SIRT2: variants seen among roughly 807,000 people sequenced by gnomAD.
SIRT2 encodes the protein sirtuin 2, also known as NAD-dependent protein deacetylase sirtuin-2.
In SIRT2, 40 loss-of-function variants were observed where a neutral mutation model predicts 57.4. The ratio of observed to expected loss-of-function variants is 0.70; its 90% CI spans 0.54 to 0.91. SIRT2 has a LOEUF of 0.91. Among genes scored for constraint, SIRT2 ranks in the 40% least tolerant of loss-of-function variants. SIRT2 has a pLI of 0.00. For missense variants in SIRT2, 439 were observed against 510.4 expected, an observed-to-expected ratio of 0.86 and a Z score of 1.35; for synonymous variants, 161 against 195.7, an observed-to-expected ratio of 0.82 and a Z score of 1.48.
At chr19:38,895,336 C>T (rs928400280) in intron 2 of SIRT2, among the ~76,000 whole-genome samples, 14 of 152,210 alleles carry the variant, frequency 9.2e-5, no homozygotes, top group African/African-American at 1.2e-4. Context: ...CTTCTGCAGT[C>T]TTCCCAGACA....
chr19:38,893,171 C>T (rs565971293), intron 4 of SIRT2, among the ~76,000 whole-genome samples: 20 of 151,892 alleles, frequency 1.3e-4, no homozygotes, highest in Non-Finnish European at 2.8e-4. Flanking sequence ...ACCTTTACCC[C>T]AAAACAAGAA....
chr19:38,882,473 A>G (rs1339807163), intron 9 of SIRT2, among the ~76,000 whole-genome samples: 2 of 151,986 alleles, frequency 1.3e-5, no homozygotes, highest in African/African-American at 4.8e-5. Flanking sequence ...CGTCTCTACT[A>G]AAAATATAAA....
At chr19:38,892,770 G>A (rs992752399) in intron 4 of SIRT2, among the ~76,000 whole-genome samples, 3 of 151,902 alleles carry the variant, frequency 2.0e-5, no homozygotes, top group Middle Eastern at 3.2e-3. Context: ...TGGCGGGGGG[G>A]TCTCACTATG....
At chr19:38,892,436 C>G (rs536121611) in intron 4 of SIRT2, among the ~76,000 whole-genome samples, 1 of 151,994 alleles carries the variant, frequency 6.6e-6, no homozygotes, top group Admixed American at 6.5e-5. Flanking sequence ...TTCATGCTGA[C>G]TCAGTAAGTG....
At chr19:38,891,951 A>C (rs1382228440) in intron 4 of SIRT2, 1 of 469,132 alleles carries the variant, frequency 2.1e-6, no homozygotes, top group African/African-American at 2.0e-5. Flanking sequence ...CTGCCTGAGG[A>C]GGGAGACAGT....
intron 8 of SIRT2, among the ~76,000 whole-genome samples, chr19:38,885,922 A>G (rs1973322905): frequency 6.6e-6 from 1 of 152,018 alleles, no homozygotes. Context: ...GACTTTCCAT[A>G]TTAAACAGGT....
Position 38,880,408 on chromosome 19 carries a change from T to C in SIRT2, c.876+277A>G. On this transcript the variant is annotated intron_variant, in intron 13 of 15. Coordinates refer to ENST00000249396, the MANE Select transcript of SIRT2 (RefSeq NM_012237.4). This position sits in a 1 kb window ranked among gnomAD's most constrained non-coding sequence, Gnocchi z 4.1. ...ACCCAACCCCGCCCCCCGCACTGTC[T>C]CTCCTGACCCCTGCACCCCCTCCCA... The C allele has an allele frequency of 1.1e-5, 4 of 349,860 alleles. No individual in the cohort carries two copies. The highest frequency in any genetic ancestry group is 4.6e-5 in the Admixed American group (1 of 21,730). The allele number at this position is 349,860 out of a possible 1,614,324, so 21.7% of individuals were successfully genotyped here. A position where few individuals can be genotyped will look rare whatever the true frequency, so the allele number is the denominator to read the frequency against.
intron 3 of SIRT2, 99 bp from the exon 4 acceptor site, chr19:38,893,626 C>T (rs751276917): frequency 1.7e-6 from 2 of 1,193,284 alleles, no homozygotes. Context: ...CCCGGCCTCC[C>T]CACATCTAAA....
rs533649015 is a variant in SIRT2, at chr19:38,880,425, C to G, written c.876+260G>C. On this transcript the variant is annotated intron_variant, in intron 13 of 15. Transcript: ENST00000249396. The surrounding 1 kb of genome is among the most constrained non-coding windows in gnomAD (Gnocchi z 4.1). ...GCACTGTCTCTCCTGACCCCTGCAC[C>G]CCCTCCCACCTCCTCAGTCCCTGGA... The G allele has an allele frequency of 2.3e-6, 1 of 430,222 alleles. No homozygotes were observed. Among genetic ancestry groups the G allele is most frequent in the African/African-American group, 2.0e-5 (1 of 49,336 alleles). The allele number at this position is 430,222 out of a possible 1,614,324, so 26.7% of individuals were successfully genotyped here. A position where few individuals can be genotyped will look rare whatever the true frequency, so the allele number is the denominator to read the frequency against.
intron 4 of SIRT2, chr19:38,891,769 C>A (rs1973545562): frequency 2.3e-6 from 1 of 429,590 alleles, no homozygotes; most frequent in African/African-American, 2.1e-5. Flanking sequence ...CTATCTCCTC[C>A]TGGGCACCCT....
chr19:38,878,993 G>GGTT lies in SIRT2; in HGVS notation c.*161_*162insAAC. 1.5e-6 allele frequency: 1 copy of GGTT among 665,876 alleles called. No individual in the cohort carries two copies. The highest frequency in any genetic ancestry group is 2.3e-5 in the South Asian group (1 of 43,892). 41.2% of individuals were successfully genotyped at this position (665,876 alleles called of 1,614,324 possible). On this transcript the variant is annotated 3_prime_UTR_variant, in exon 16 of 16. Coordinates refer to ENST00000249396, the MANE Select transcript of SIRT2 (RefSeq NM_012237.4). ...GGTGTTAGAGATTTGCTGGGGTTGG[G>GGTT]GGCCAGGGTTGCTGGGACCCCAGTT...
rs772799607 is a variant in SIRT2 at position 38,879,471 on chromosome 19, T to C, written c.977A>G (p.Gln326Arg). The C allele has an allele frequency of 6.2e-7, 1 of 1,604,430 alleles. No individual in the cohort carries two copies. The highest frequency in any genetic ancestry group is 8.5e-7 in the Non-Finnish European group (1 of 1,175,518). The change falls in exon 15 of 16, where the codon CAG becomes CGG. Residue 326 changes from glutamine (Q) to arginine (R), a missense_variant. Transcript: ENST00000249396. ...GAGCTCAGCAAGGGCCAGGCAGCCC[T>C]GGTCGCATTCACCCAGCCAGGCCAC... Reference protein sequence around the residue: ...RDVAWLGECDQGCLALAELLG... With the variant: ...RDVAWLGECDRGCLALAELLG...
At chr19:38,899,461 A>G (rs199984937) in intron 1 of SIRT2, 45 bp downstream of exon 1, 12 of 1,610,072 alleles carry the variant, frequency 7.5e-6, no homozygotes, top group Non-Finnish European at 9.3e-6. Context: ...GCATTCAGCC[A>G]GGCCCCGGCG....
In SIRT2 at chr19:38,880,766, G is replaced by T. The variant is rs986375576; in HGVS notation, c.825-30C>A. 1.2e-6 allele frequency: 2 copies of T among 1,610,002 alleles called. No homozygotes were observed. The highest frequency in any genetic ancestry group is 1.7e-6 in the Non-Finnish European group (2 of 1,176,720). ...GGGGAGGGGGAGCTAAGGGGTCAGG[G>T]TCTGTCCTGGCCCTGGGTGCCCAGC... On this transcript the variant is annotated intron_variant, in intron 12 of 15. Transcript: ENST00000249396. This position sits in a 1 kb window ranked among gnomAD's most constrained non-coding sequence, Gnocchi z 4.1.
At chr19:38,894,062 C>T (rs1481643823) in intron 2 of SIRT2, 195 bp from the exon 3 acceptor site, 14 of 1,175,994 alleles carry the variant, frequency 1.2e-5, no homozygotes, top group Admixed American at 2.9e-5. Context: ...TGGCCATGCC[C>T]GTCCCCAGGA....
At chr19:38,889,823 TC>T (rs763097606) in intron 6 of SIRT2, 31 bp downstream of exon 6, 2 of 1,612,576 alleles carry the variant, frequency 1.2e-6, no homozygotes, top group Non-Finnish European at 1.7e-6. Flanking sequence ...TCCCCACCCC[TC>T]ACAGACGCCC....
rs1211913798 is a variant in SIRT2, at chr19:38,890,094, G to A, written c.268+9C>T. On this transcript the variant is annotated intron_variant, in intron 5 of 15. Coordinates refer to ENST00000249396, the MANE Select transcript of SIRT2 (RefSeq NM_012237.4). ...TGGGGGTAGCTGCTGGGGGAGAAGGGTTACTTACATGTGGAGATTCCAGCT... is the reference window on the plus strand; with the variant it reads ...TGGGGGTAGCTGCTGGGGGAGAAGGATTACTTACATGTGGAGATTCCAGCT... 1.9e-6 allele frequency: 3 copies of A among 1,614,204 alleles called. No homozygotes were observed. The highest frequency in any genetic ancestry group is 2.5e-6 in the Non-Finnish European group (3 of 1,180,010).
intron 2 of SIRT2, among the ~76,000 whole-genome samples, chr19:38,896,161 T>C (rs1973710875): frequency 6.6e-6 from 1 of 152,116 alleles, no homozygotes; most frequent in South Asian, 2.1e-4. Context: ...GCAAAAACCT[T>C]GATTATACTC....
chr19:38,881,339 G>T (rs1341054698), intron 10 of SIRT2, 93 bp downstream of exon 10: 32 of 1,256,320 alleles, frequency 2.5e-5, no homozygotes, highest in Non-Finnish European at 8.1e-6. Flanking sequence ...GAGGTGGCCA[G>T]ATGTGTGCGG....
Sources: allele counts gnomAD v4.1 joint callset (sites outside exome capture counted in the v4.1 genomes callset), GRCh38; gene constraint gnomAD v4.1.1; non-coding constraint Gnocchi (gnomAD v3.1); transcripts MANE v1.5; gene names NCBI Gene and HGNC (gene_info 2026-07-23, HGNC 2026-07-21).